The following DRC2 variants were observed in gnomAD, a reference collection of about 807,000 sequenced individuals.
DRC2 encodes the protein dynein regulatory complex subunit 2.
chr12:48,904,381 G>A, the DRC2 span: 1 of 1,614,082 alleles, frequency 6.2e-7, no homozygotes, highest in Non-Finnish European at 8.5e-7. Flanking sequence ...TGTCCGATGA[G>A]AAGCAGCTGC....
the DRC2 span, among the ~76,000 whole-genome samples, chr12:48,915,943 G>A: frequency 3.5e-5 from 5 of 141,506 alleles, no homozygotes; most frequent in African/African-American, 1.1e-4. Context: ...GGGCAGAGGC[G>A]CTCCTCACAT....
At chr12:48,911,888 A>T in the DRC2 span, among the ~76,000 whole-genome samples, 1 of 151,890 alleles carries the variant, frequency 6.6e-6, no homozygotes. Context: ...TAAATGCTTG[A>T]TTCTTTCTCT....
the DRC2 span, among the ~76,000 whole-genome samples, chr12:48,919,497 TC>T: frequency 2.0e-5 from 3 of 150,388 alleles, no homozygotes; most frequent in Non-Finnish European, 4.4e-5. Flanking sequence ...TGCGTTGAGC[TC>T]CCCCTTACAT....
the DRC2 span, chr12:48,904,597 A>G: frequency 7.6e-7 from 1 of 1,318,334 alleles, no homozygotes; most frequent in Non-Finnish European, 1.0e-6. Flanking sequence ...ATATACTTAG[A>G]TTTCAGGCAA....
chr12:48,918,782 T>C, the DRC2 span: 2 of 1,614,120 alleles, frequency 1.2e-6, no homozygotes, highest in South Asian at 1.1e-5. Flanking sequence ...TTGGTCCTTG[T>C]ACAACTGCGA....
chr12:48,913,510 T>A, the DRC2 span, among the ~76,000 whole-genome samples: 94 of 149,214 alleles, frequency 6.3e-4, no homozygotes, highest in African/African-American at 2.2e-3. Flanking sequence ...TTATTTATTT[T>A]GAGACCGAGT....
At chr12:48,915,803 C>T in the DRC2 span, among the ~76,000 whole-genome samples, 5 of 151,104 alleles carry the variant, frequency 3.3e-5, no homozygotes, top group South Asian at 4.2e-4. Flanking sequence ...CCCTCCCGGA[C>T]GGGGTGGCTG....
chr12:48,916,372 C>T, the DRC2 span, among the ~76,000 whole-genome samples: 42,159 of 147,290 alleles, frequency 0.29, 4,024 homozygotes, highest in East Asian at 0.41. Flanking sequence ...CCGAGGCTGG[C>T]GGATCACTCG....
At chr12:48,918,142 G>A in the DRC2 span, 1 of 769,704 alleles carries the variant, frequency 1.3e-6, no homozygotes, top group Non-Finnish European at 2.1e-6. Flanking sequence ...CTGGTCTTGT[G>A]TAGGCATTTT....
chr12:48,909,778 C>CTTT, the DRC2 span, among the ~76,000 whole-genome samples: 5 of 138,998 alleles, frequency 3.6e-5, no homozygotes, highest in East Asian at 1.1e-3. Context: ...CGCCCAGCCT[C>CTTT]TTTTTTTTTT....
the DRC2 span, chr12:48,921,515 A>T: frequency 6.8e-7 from 1 of 1,460,572 alleles, no homozygotes; most frequent in South Asian, 1.4e-5. Flanking sequence ...CAACTCCTAG[A>T]GATTTTTTTT....
the DRC2 span, among the ~76,000 whole-genome samples, chr12:48,911,216 T>C: frequency 2.6e-5 from 4 of 152,142 alleles, no homozygotes; most frequent in Admixed American, 1.3e-4. Context: ...CATTAAATCA[T>C]TGGGAGATGC....
the DRC2 span, chr12:48,904,466 A>C: frequency 1.9e-6 from 3 of 1,613,848 alleles, no homozygotes; most frequent in Non-Finnish European, 2.5e-6. Flanking sequence ...CCAGTTCTTG[A>C]AGGTGATGGC....
chr12:48,918,265 C>A, the DRC2 span: 2 of 1,613,142 alleles, frequency 1.2e-6, no homozygotes, highest in African/African-American at 1.3e-5. Flanking sequence ...ATTTTGGGGT[C>A]ACTTGCTAGA....
At chr12:48,909,358 C>T in the DRC2 span, among the ~76,000 whole-genome samples, 1 of 152,158 alleles carries the variant, frequency 6.6e-6, no homozygotes, top group African/African-American at 2.4e-5. Context: ...CCTACCTGTA[C>T]TTTTCATAGC....
At chr12:48,914,124 T>TG in the DRC2 span, among the ~76,000 whole-genome samples, 29 of 151,386 alleles carry the variant, frequency 1.9e-4, no homozygotes, top group African/African-American at 5.3e-4. Context: ...TTTGTAGAGA[T>TG]GGGGGGGTCT....
the DRC2 span, chr12:48,921,370 A>G: frequency 6.2e-7 from 1 of 1,614,198 alleles, no homozygotes; most frequent in South Asian, 1.1e-5. Flanking sequence ...ATAGTCAACT[A>G]TCAAAGCAAC....
At chr12:48,911,274 A>G in the DRC2 span, among the ~76,000 whole-genome samples, 3 of 151,770 alleles carry the variant, frequency 2.0e-5, no homozygotes, top group African/African-American at 7.2e-5. Flanking sequence ...AGAAATAGAG[A>G]TGGGGCCAGG....
At chr12:48,908,693 C>T in the DRC2 span, among the ~76,000 whole-genome samples, 3 of 151,620 alleles carry the variant, frequency 2.0e-5, no homozygotes, top group Non-Finnish European at 2.9e-5. Context: ...CTCTGCCCCC[C>T]GGGTTCAAGT....
Sources: allele counts gnomAD v4.1 joint callset (sites outside exome capture counted in the v4.1 genomes callset), GRCh38; gene constraint gnomAD v4.1.1; transcripts MANE v1.5; gene names NCBI Gene and HGNC (gene_info 2026-07-23, HGNC 2026-07-21).